CUL3: variants seen among roughly 807,000 people sequenced by gnomAD.
CUL3 encodes the protein cullin 3.
A neutral mutation model predicts 89.1 loss-of-function variants in CUL3; 19 were observed. That is an observed-to-expected ratio of 0.21 (90% confidence interval 0.15 to 0.31). The LOEUF (loss-of-function observed/expected upper bound fraction) is 0.31. CUL3 is among the 10% of genes least tolerant of loss of function. The pLI is 1.00. For missense variants in CUL3, 469 were observed against 942.3 expected, an observed-to-expected ratio of 0.50 and a Z score of 6.58; for synonymous variants, 351 against 308.4, an observed-to-expected ratio of 1.14 and a Z score of -1.45.
intron 2 of CUL3, among the ~76,000 whole-genome samples, chr2:224,538,301 T>G (rs1315519523): frequency 6.6e-6 from 1 of 152,184 alleles, no homozygotes; most frequent in Non-Finnish European, 1.5e-5. Context: ...AACAGATTAT[T>G]TATTCAAACA....
At chr2:224,565,466 C>T (rs947027206) in intron 1 of CUL3, among the ~76,000 whole-genome samples, 1 of 152,174 alleles carries the variant, frequency 6.6e-6, no homozygotes, top group African/African-American at 2.4e-5. Flanking sequence ...CACAAAAACA[C>T]ATTGTAATTT....
chr2:224,500,533 T>C, intron 10 of CUL3, 46 bp from the exon 11 acceptor site: 1 of 1,596,332 alleles, frequency 6.3e-7, no homozygotes, highest in Non-Finnish European at 8.6e-7. Context: ...TAACTAGGAT[T>C]TGCTTTCTGT....
At chr2:224,563,839 T>C (rs889656497) in intron 1 of CUL3, among the ~76,000 whole-genome samples, 3 of 152,174 alleles carry the variant, frequency 2.0e-5, no homozygotes, top group African/African-American at 7.2e-5. Context: ...TTATCTTACT[T>C]AATACTGTCC....
At chr2:224,522,157 G>A (rs997100697) in intron 3 of CUL3, among the ~76,000 whole-genome samples, 2 of 150,458 alleles carry the variant, frequency 1.3e-5, no homozygotes, top group Non-Finnish European at 2.9e-5. Context: ...AATCACTAAG[G>A]TAATCCTCTA....
intron 1 of CUL3, among the ~76,000 whole-genome samples, chr2:224,580,304 G>C (rs1695402665): frequency 6.6e-6 from 1 of 152,174 alleles, no homozygotes; most frequent in African/African-American, 2.4e-5. Context: ...AGAACTTCTA[G>C]GAAAAGGTCT....
Position 224,481,896 on chromosome 2 carries a change from T to C in CUL3, c.2025A>G (p.Gln675=), listed in dbSNP as rs1474918283. 6.7e-7 allele frequency: 1 copy of C among 1,492,126 alleles called. No homozygotes were observed. Among genetic ancestry groups the C allele is most frequent in the East Asian group, 2.5e-5 (1 of 39,416 alleles). The allele number at this position is 1,492,126 out of a possible 1,614,324, so 92.4% of individuals were successfully genotyped here. Residue 675 remains glutamine (Q), a synonymous_variant, in exon 14 of 16, where the codon CAA becomes CAG. Coordinates refer to ENST00000264414, the MANE Select transcript of CUL3 (RefSeq NM_003590.5). The part of the protein sequence containing the change: ...FTSKLHRVKI[Q]TVAAKQGESD... The stretch of plus-strand genomic sequence containing the variant: ...GAAAAATATAATTCCAGATACCTGT[T>C]TGAATCTTGACTCTGTGTAGTTTGG...
chr2:224,490,744 A>T (rs1691940182), intron 13 of CUL3, among the ~76,000 whole-genome samples: 1 of 151,772 alleles, frequency 6.6e-6, no homozygotes, highest in Non-Finnish European at 1.5e-5. Flanking sequence ...CACATCCCAG[A>T]CACCTACAAA....
At chr2:224,497,063 T>C (rs1692195974) in intron 12 of CUL3, among the ~76,000 whole-genome samples, 1 of 152,194 alleles carries the variant, frequency 6.6e-6, no homozygotes, top group South Asian at 2.1e-4. Flanking sequence ...CTTAATCTGA[T>C]GTTAACAGTG....
At position 224,569,728 on chromosome 2, in the gene CUL3, A is replaced by G. The variant is rs10498163; in HGVS notation, c.67-11872T>C. 367,709 of 1,209,746 alleles carry G rather than the reference A, an allele frequency of 0.3. 57,538 individuals carry two copies. Among genetic ancestry groups the G allele is most frequent in the Middle Eastern group, 0.34 (1,478 of 4,396 alleles). The allele number at this position is 1,209,746 out of a possible 1,614,324, so 74.9% of individuals were successfully genotyped here. A position where few individuals can be genotyped will look rare whatever the true frequency, so the allele number is the denominator to read the frequency against. ...CTGTGATTACTGAGAGAACTACATC[A>G]TGAGACAAATTAAAACTAAATGAAA... On this transcript the variant is annotated intron_variant, in intron 1 of 15. Coordinates refer to ENST00000264414, the MANE Select transcript of CUL3 (RefSeq NM_003590.5).
At chr2:224,575,969 T>C (rs143345262) in intron 1 of CUL3, among the ~76,000 whole-genome samples, 22 of 152,184 alleles carry the variant, frequency 1.4e-4, no homozygotes, top group African/African-American at 4.8e-4. Context: ...ATGAACAAAA[T>C]TAAAATAGAG....
At chr2:224,509,915 C>T (rs1412246624) in intron 6 of CUL3, among the ~76,000 whole-genome samples, 2 of 152,226 alleles carry the variant, frequency 1.3e-5, no homozygotes, top group Admixed American at 1.3e-4. Flanking sequence ...GGGGCAAATA[C>T]AGCCTGCCAT....
intron 3 of CUL3, among the ~76,000 whole-genome samples, chr2:224,524,113 G>T (rs1465903520): frequency 6.6e-6 from 1 of 152,106 alleles, no homozygotes; most frequent in Non-Finnish European, 1.5e-5. Context: ...AACCCCCAGT[G>T]TTTAAAAGCA....
At chr2:224,566,529 T>C (rs1695044145) in intron 1 of CUL3, among the ~76,000 whole-genome samples, 1 of 152,202 alleles carries the variant, frequency 6.6e-6, no homozygotes, top group Admixed American at 6.5e-5. Context: ...TTTGTCTACA[T>C]CAAAAACCTG....
intron 1 of CUL3, among the ~76,000 whole-genome samples, chr2:224,567,597 G>C (rs547312988): frequency 1.3e-5 from 2 of 152,002 alleles, no homozygotes; most frequent in Admixed American, 1.3e-4. Flanking sequence ...AAAATTAGCC[G>C]GGTGTGGTGG....
chr2:224,546,245 G>C (rs1034840269), intron 2 of CUL3, among the ~76,000 whole-genome samples: 2 of 152,044 alleles, frequency 1.3e-5, no homozygotes, highest in Non-Finnish European at 2.9e-5. Context: ...CATACACAAA[G>C]CATGACAACA....
intron 3 of CUL3, among the ~76,000 whole-genome samples, chr2:224,534,926 G>A (rs909132538): frequency 2.0e-5 from 3 of 151,458 alleles, no homozygotes; most frequent in Admixed American, 6.6e-5. Flanking sequence ...GCGTGAACCC[G>A]GGAGGCAGAG....
Position 224,569,904 on chromosome 2 carries a change from G to GA in CUL3, c.67-12049dup, listed in dbSNP as rs1022371418. On this transcript the variant is annotated intron_variant, in intron 1 of 15. Transcript: ENST00000264414. ...CAGGCAATTCAGAATGACACAGCTA[G>GA]AAAAAAAATAAACAAGGGAAAATAC... The GA allele has an allele frequency of 6.4e-5, 26 of 404,730 alleles. No homozygotes were observed. The Admixed American group carries it at 1.4e-3, about 22-fold the overall frequency. 25.1% of individuals were successfully genotyped at this position (404,730 alleles called of 1,614,324 possible).
At position 224,474,267 on chromosome 2, in the gene CUL3, T is replaced by C. The variant is rs761790580; in HGVS notation, c.2285A>G (p.Lys762Arg). The C allele has an allele frequency of 1.2e-6, 2 of 1,614,032 alleles. No individual in the cohort carries two copies. The highest frequency in any genetic ancestry group is 3.3e-5 in the Admixed American group (2 of 60,020). The change falls in exon 16 of 16, where the codon AAA becomes AGA. Residue 762 changes from lysine (K) to arginine (R), a missense_variant. Around this residue, in one of 4 missense-constraint regions of CUL3, gnomAD observed 65 missense variants for 147.8 expected, o/e 0.44. Transcript: ENST00000264414. ...EYLARTPEDR[K>R]VYTYVA ...ATTTTATGCTACATATGTGTATACT[T>C]TGCGATCCTCAGGTGTTCGTGCCAA...
intron 11 of CUL3, 37 bp from the exon 12 acceptor site, chr2:224,497,886 A>T (rs369463014): frequency 1.6e-5 from 23 of 1,468,044 alleles, no homozygotes; most frequent in Non-Finnish European, 2.2e-5. Context: ...AAAATCAAAC[A>T]AACTTACACA....
Sources: allele counts gnomAD v4.1 joint callset (sites outside exome capture counted in the v4.1 genomes callset), GRCh38; gene constraint gnomAD v4.1.1; regional missense constraint gnomAD v4.1.1; transcripts MANE v1.5; gene names NCBI Gene and HGNC (gene_info 2026-07-23, HGNC 2026-07-21).